Variants in SLC9A8 observed in about 807,000 individuals in gnomAD.
The protein encoded by SLC9A8 is solute carrier family 9 member A8, also known as sodium/hydrogen exchanger 8.
SLC9A8 carries 48 observed loss-of-function variants against 66.6 expected under a neutral mutation model. The observed-to-expected ratio is 0.72, with a 90% CI of 0.57 to 0.92. SLC9A8 has a LOEUF of 0.92. Ranked by LOEUF, SLC9A8 falls within the 40% of genes least tolerant of loss-of-function variation. The pLI is 0.00. For synonymous variants in SLC9A8, 274 were observed against 282.6 expected (o/e 0.97, Z 0.31); for missense variants, 599 against 747.3 (o/e 0.80, Z 2.31).
intron 10 of SLC9A8, among the ~76,000 whole-genome samples, chr20:49,874,450 A>G (rs1479773007): frequency 6.6e-6 from 1 of 152,178 alleles, no homozygotes; most frequent in Non-Finnish European, 1.5e-5. Context: ...TATTAGTCCC[A>G]CTGTACAGAA....
At chr20:49,821,830 CTTA>C (rs2086749734) in intron 2 of SLC9A8, among the ~76,000 whole-genome samples, 1 of 152,092 alleles carries the variant, frequency 6.6e-6, no homozygotes. Context: ...TTTACATCTT[CTTA>C]TTTTCTTTCA....
At chr20:49,874,068 G>A (rs1230640476) in intron 10 of SLC9A8, among the ~76,000 whole-genome samples, 2 of 152,114 alleles carry the variant, frequency 1.3e-5, no homozygotes, top group South Asian at 2.1e-4. Flanking sequence ...TGGCCAACAT[G>A]GTGAAACCTC....
At position 49,886,900 on chromosome 20, in the gene SLC9A8, T is replaced by A; in HGVS notation, c.1638+2T>A. On this transcript the variant is annotated splice_donor_variant, in intron 15 of 15. Transcript: ENST00000361573. LOFTEE classifies it high-confidence loss of function. This position sits in a 1 kb window ranked among gnomAD's most constrained non-coding sequence, Gnocchi z 4.8. ...TTCACTCGGAGGCTGACGCAGGAGG[T>A]GGGATACCGGCCAGGCCACACTTTC... The A allele has an allele frequency of 6.2e-7, 1 of 1,612,872 alleles. No individual in the cohort carries two copies. The highest frequency in any genetic ancestry group is 8.5e-7 in the Non-Finnish European group (1 of 1,179,388).
In SLC9A8 at chr20:49,816,871, G is replaced by A. The variant is rs946154045; in HGVS notation, c.208+1682G>A. 2.9e-4 allele frequency among the ~76,000 whole-genome samples: 44 copies of A among 151,978 alleles called. 1 individual carries two copies. Among genetic ancestry groups the A allele is most frequent in the Non-Finnish European group, 4.4e-5 (3 of 67,992 alleles). On this transcript the variant is annotated intron_variant, in intron 2 of 15. Coordinates refer to ENST00000361573, the MANE Select transcript of SLC9A8 (RefSeq NM_015266.3). ...AGCCTCCCAAGTAGCTGGGACTACA[G>A]GTGCCTGCCACCATGCCCAGCTAAT... is the stretch of plus-strand genomic sequence containing the variant.
At chr20:49,844,542 G>A (rs896473558) in intron 4 of SLC9A8, among the ~76,000 whole-genome samples, 8 of 150,060 alleles carry the variant, frequency 5.3e-5, no homozygotes. Context: ...CCAGCATTTG[G>A]GGAAGCTGAG....
chr20:49,888,003 AG>A lies in SLC9A8; in HGVS notation c.*71del, dbSNP rs1373093471. 7.9e-7 allele frequency: 1 copy of A among 1,272,544 alleles called. No individual in the cohort carries two copies. Among genetic ancestry groups the A allele is most frequent in the African/African-American group, 1.5e-5 (1 of 68,198 alleles). 78.8% of individuals were successfully genotyped at this position (1,272,544 alleles called of 1,614,324 possible). ...CGTTTGCTGCGCACAGACACTCAGCAGGGGCCTCGCAGAGATGCGTGCATCC... is the reference window on the plus strand; with the variant it reads ...CGTTTGCTGCGCACAGACACTCAGCAGGGCCTCGCAGAGATGCGTGCATCC... On this transcript the variant is annotated 3_prime_UTR_variant, in exon 16 of 16. Coordinates refer to ENST00000361573, the MANE Select transcript of SLC9A8 (RefSeq NM_015266.3).
chr20:49,849,719 A>T (rs773094485), intron 6 of SLC9A8, 39 bp downstream of exon 6: 9 of 1,500,050 alleles, frequency 6.0e-6, no homozygotes, highest in Non-Finnish European at 8.4e-6. Flanking sequence ...AAAGTCTTAC[A>T]TTCTTAGAGC....
intron 13 of SLC9A8, among the ~76,000 whole-genome samples, chr20:49,882,691 C>T (rs2089675096): frequency 6.6e-6 from 1 of 152,212 alleles, no homozygotes; most frequent in Non-Finnish European, 1.5e-5. Context: ...TTGCATCCCC[C>T]TTGCCCAAGA....
intron 7 of SLC9A8, among the ~76,000 whole-genome samples, chr20:49,852,909 G>A (rs2088311233): frequency 6.6e-6 from 1 of 152,044 alleles, no homozygotes; most frequent in Non-Finnish European, 1.5e-5. Flanking sequence ...GCGCACCCGT[G>A]ACAGCCTCAG....
intron 13 of SLC9A8, 94 bp downstream of exon 13, chr20:49,881,129 C>T: frequency 1.2e-6 from 1 of 849,096 alleles, no homozygotes; most frequent in South Asian, 1.4e-5. Context: ...GCGCCCTTGG[C>T]AAAACCACAA....
intron 3 of SLC9A8, among the ~76,000 whole-genome samples, chr20:49,835,679 C>CTTTTTTT (rs34461954): frequency 5.7e-4 from 41 of 71,972 alleles, no homozygotes; most frequent in African/African-American, 9.2e-4. Context: ...ACACAATTCA[C>CTTTTTTT]TTTTTTTTTT....
chr20:49,855,975 G>A (rs2088463056), intron 8 of SLC9A8, among the ~76,000 whole-genome samples: 2 of 152,110 alleles, frequency 1.3e-5, no homozygotes, highest in Admixed American at 6.5e-5. Flanking sequence ...AGAAGTTTTT[G>A]TAGAGATGGG....
At chr20:49,861,461 T>C (rs1249515088) in intron 8 of SLC9A8, among the ~76,000 whole-genome samples, 1 of 152,188 alleles carries the variant, frequency 6.6e-6, no homozygotes, top group Non-Finnish European at 1.5e-5. Flanking sequence ...GAGGATCACA[T>C]GAGCCTGGGA....
chr20:49,815,476 CG>C, intron 2 of SLC9A8: 1 of 246,686 alleles, frequency 4.1e-6, no homozygotes, highest in Middle Eastern at 1.2e-3. Context: ...AGGCCTGGCG[CG>C]GTGGCTCAAG....
intron 10 of SLC9A8, among the ~76,000 whole-genome samples, chr20:49,867,188 TTA>T (rs1487083935): frequency 2.0e-5 from 3 of 152,258 alleles, no homozygotes; most frequent in Admixed American, 6.5e-5. Flanking sequence ...TTGTGAAGTT[TTA>T]TGTTGTTGAG....
chr20:49,866,251 C>T (rs748057959), intron 10 of SLC9A8, among the ~76,000 whole-genome samples: 1 of 152,108 alleles, frequency 6.6e-6, no homozygotes, highest in Non-Finnish European at 1.5e-5. Context: ...CGTGTTTTTG[C>T]GTGTGGCAGT....
In SLC9A8 at chr20:49,862,968, C is replaced by G. The variant is rs367591345; in HGVS notation, c.753C>G (p.Val251=). The change falls in exon 9 of 16, where the codon GTC becomes GTG. Residue 251 remains valine (V), a synonymous_variant. Coordinates refer to ENST00000361573, the MANE Select transcript of SLC9A8 (RefSeq NM_015266.3). ...TAACAAGAAAAAATATGTCAGATGT[C>G]AGTGGGTGGCAAACATTTTTACAAG... ...EGLTRKNMSD[V]SGWQTFLQAL... 6.2e-7 allele frequency: 1 copy of G among 1,613,546 alleles called. No homozygotes were observed. Among genetic ancestry groups the G allele is most frequent in the Non-Finnish European group, 8.5e-7 (1 of 1,179,476 alleles).
At position 49,867,385 on chromosome 20, in the gene SLC9A8, C is replaced by CGT. The variant is rs376635186; in HGVS notation, c.958+2541_958+2542insGT. Among the ~76,000 whole-genome samples the CGT allele has an allele frequency of 7.6e-3, 1,150 of 152,276 alleles. 13 individuals carry two copies. The highest frequency in any genetic ancestry group is 0.026 in the African/African-American group (1,095 of 41,552). ...AGGGCTGGTGCAGAGTAGCAGGGCC[C>CGT]TAACTAAGGTGTCTCAGGTACCGTG... On this transcript the variant is annotated intron_variant, in intron 10 of 15. Coordinates refer to ENST00000361573, the MANE Select transcript of SLC9A8 (RefSeq NM_015266.3).
At chr20:49,818,052 CT>C (rs1293922216) in intron 2 of SLC9A8, among the ~76,000 whole-genome samples, 1 of 150,592 alleles carries the variant, frequency 6.6e-6, no homozygotes, top group Non-Finnish European at 1.5e-5. Flanking sequence ...TTTGTAATCA[CT>C]TTTTTTTTAA....
Sources: allele counts gnomAD v4.1 joint callset (sites outside exome capture counted in the v4.1 genomes callset), GRCh38; gene constraint gnomAD v4.1.1; non-coding constraint Gnocchi (gnomAD v3.1); transcripts MANE v1.5; gene names NCBI Gene and HGNC (gene_info 2026-07-23, HGNC 2026-07-21).